The following BMERB1 variants were observed in gnomAD, a reference collection of about 807,000 sequenced individuals.
BMERB1 encodes bMERB domain containing 1.
BMERB1 carries 12 observed loss-of-function variants against 23.6 expected under a neutral mutation model. The observed-to-expected ratio is 0.51, with a 90% CI of 0.33 to 0.82. BMERB1 has a LOEUF of 0.82. Ranked by LOEUF, BMERB1 falls within the 40% of genes least tolerant of loss-of-function variation. The pLI, the probability that BMERB1 is intolerant of heterozygous loss-of-function variation, is 0.03. For synonymous variants in BMERB1, 122 were observed against 96.6 expected, an observed-to-expected ratio of 1.26 and a Z score of -1.54; for missense variants, 247 against 255.4, an observed-to-expected ratio of 0.97 and a Z score of 0.22.
At chr16:15,496,416 A>C (rs1251436136) in intron 1 of BMERB1, among the ~76,000 whole-genome samples, 1 of 152,204 alleles carries the variant, frequency 6.6e-6, no homozygotes, top group African/African-American at 2.4e-5. Context: ...TATTATCCCC[A>C]GTTAACAGGT....
At chr16:15,556,059 A>G (rs2030248043) in intron 2 of BMERB1, among the ~76,000 whole-genome samples, 1 of 151,950 alleles carries the variant, frequency 6.6e-6, no homozygotes, top group Admixed American at 6.6e-5. Context: ...AGTGCCTGTT[A>G]TCTCAGCTAC....
At chr16:15,436,251 G>A (rs1229895471) in intron 1 of BMERB1, among the ~76,000 whole-genome samples, 2 of 131,406 alleles carry the variant, frequency 1.5e-5, no homozygotes, top group African/African-American at 5.7e-5. Flanking sequence ...TACTCTTTTA[G>A]TTTAGCTTTT....
chr16:15,545,032 G>A (rs1444186729), intron 2 of BMERB1, among the ~76,000 whole-genome samples: 1 of 152,014 alleles, frequency 6.6e-6, no homozygotes, highest in African/African-American at 2.4e-5. Flanking sequence ...GAGTGCAGTG[G>A]TGCAATCTCG....
intron 1 of BMERB1, among the ~76,000 whole-genome samples, chr16:15,487,186 G>A (rs2051375950): frequency 6.6e-6 from 1 of 152,112 alleles, no homozygotes; most frequent in Admixed American, 6.6e-5. Context: ...ATTCTAGACG[G>A]TACTTTTGAT....
chr16:15,534,286 CAAAAAAAAAAAAAAAAAAA>C (rs1168488547), intron 2 of BMERB1, among the ~76,000 whole-genome samples: 37 of 41,972 alleles, frequency 8.8e-4, no homozygotes, highest in Admixed American at 7.3e-3. Context: ...TTTTTAATTG[CAAAAAAAAAAAAAAAAAAA>C]AAAAAAAAAA....
chr16:15,515,203 A>G (rs1476194049), intron 1 of BMERB1, 102 bp from the exon 2 acceptor site: 13 of 1,527,550 alleles, frequency 8.5e-6, no homozygotes, highest in Non-Finnish European at 1.1e-5. Context: ...CTCAAGGTGT[A>G]TGATGGTCGC....
chr16:15,577,721 C>T (rs921420364), intron 3 of BMERB1, among the ~76,000 whole-genome samples: 2 of 152,236 alleles, frequency 1.3e-5, no homozygotes, highest in Non-Finnish European at 2.9e-5. Context: ...GCAGGTTGTG[C>T]GCATGCGCAG....
chr16:15,501,023 A>G (rs1021826134), intron 1 of BMERB1, among the ~76,000 whole-genome samples: 5 of 152,210 alleles, frequency 3.3e-5, no homozygotes, highest in East Asian at 1.9e-4. Context: ...TCCAAAAAGG[A>G]TATAAAACAT....
rs188948540 is a variant in BMERB1 at position 15,494,810 on chromosome 16, A to G, written c.107-20495A>G. Among the ~76,000 whole-genome samples the G allele has an allele frequency of 4.0e-5, 6 of 150,578 alleles. No homozygotes were observed. The East Asian group carries it at 9.8e-4, about 25-fold the overall frequency. On this transcript the variant is annotated intron_variant, in intron 1 of 5. Coordinates refer to ENST00000300006, the MANE Select transcript of BMERB1 (RefSeq NM_033201.3). The stretch of plus-strand genomic sequence containing the variant: ...TCCTTATTCCAGAAAGGACTTAATG[A>G]TCTTATTGGAGCCTTAAAAAAGTTT...
At chr16:15,539,148 T>C (rs1391345046) in intron 2 of BMERB1, among the ~76,000 whole-genome samples, 1 of 152,208 alleles carries the variant, frequency 6.6e-6, no homozygotes, top group Non-Finnish European at 1.5e-5. Flanking sequence ...CTTGTTTTCC[T>C]GCAACAAGAT....
intron 1 of BMERB1, among the ~76,000 whole-genome samples, chr16:15,457,696 G>T (rs1481398536): frequency 3.3e-5 from 5 of 152,092 alleles, no homozygotes; most frequent in Non-Finnish European, 5.9e-5. Context: ...CCTCCTTCTG[G>T]AATATCTGGT....
chr16:15,531,814 C>T (rs141384957), intron 2 of BMERB1, among the ~76,000 whole-genome samples: 63 of 152,296 alleles, frequency 4.1e-4, no homozygotes, highest in African/African-American at 1.3e-3. Flanking sequence ...GTCCCTATCA[C>T]GTGATGGTCT....
intron 1 of BMERB1, among the ~76,000 whole-genome samples, chr16:15,439,029 T>A (rs1267862853): frequency 6.6e-6 from 1 of 152,240 alleles, no homozygotes; most frequent in Non-Finnish European, 1.5e-5. Flanking sequence ...ATATTTTATG[T>A]TAAACACTGA....
chr16:15,455,772 T>C (rs1381644894), intron 1 of BMERB1, among the ~76,000 whole-genome samples: 2 of 152,128 alleles, frequency 1.3e-5, no homozygotes, highest in African/African-American at 4.8e-5. Flanking sequence ...ATGTTAACTA[T>C]ATATTAAGAT....
At chr16:15,536,210 CAG>C (rs1403643476) in intron 2 of BMERB1, among the ~76,000 whole-genome samples, 3 of 152,116 alleles carry the variant, frequency 2.0e-5, no homozygotes, top group Non-Finnish European at 4.4e-5. Context: ...GGTGATCTGA[CAG>C]AGGGGCCACA....
intron 1 of BMERB1, among the ~76,000 whole-genome samples, chr16:15,437,850 G>A (rs569345354): frequency 1.3e-5 from 2 of 151,864 alleles, no homozygotes; most frequent in Non-Finnish European, 2.9e-5. Context: ...CCCAGCTGCC[G>A]GGGAGGCTGA....
Position 15,587,301 on chromosome 16 carries a change from G to T in BMERB1, c.*472G>T, listed in dbSNP as rs1232536165. 1 of 234,172 alleles carries T rather than the reference G, an allele frequency of 4.3e-6. No homozygotes were observed. Among genetic ancestry groups the T allele is most frequent in the East Asian group, 1.3e-4 (1 of 7,798 alleles). 14.5% of individuals were successfully genotyped at this position (234,172 alleles called of 1,614,324 possible). ...CATGGGCACAGGTCCCCTCCCGTCT[G>T]TCCTCTCCCAGCAACTGTGCCCTGG... On this transcript the variant is annotated 3_prime_UTR_variant, in exon 6 of 6. Coordinates refer to ENST00000300006, the MANE Select transcript of BMERB1 (RefSeq NM_033201.3).
At chr16:15,456,141 A>T (rs989118320) in intron 1 of BMERB1, among the ~76,000 whole-genome samples, 3 of 152,198 alleles carry the variant, frequency 2.0e-5, no homozygotes, top group Admixed American at 6.5e-5. Context: ...TACTTCAGGA[A>T]GAAAATTTCC....
intron 1 of BMERB1, among the ~76,000 whole-genome samples, chr16:15,467,594 C>T (rs1326216154): frequency 6.6e-6 from 1 of 152,108 alleles, no homozygotes; most frequent in Non-Finnish European, 1.5e-5. Context: ...ATTCTAAATA[C>T]AGGTCCTTGT....
Sources: allele counts gnomAD v4.1 joint callset (sites outside exome capture counted in the v4.1 genomes callset), GRCh38; gene constraint gnomAD v4.1.1; transcripts MANE v1.5; gene names NCBI Gene and HGNC (gene_info 2026-07-23, HGNC 2026-07-21).